Variants in C2orf92 observed in about 807,000 individuals in gnomAD.
The protein encoded by C2orf92 is uncharacterized protein C2orf92.
intron 5 of C2orf92, among the ~76,000 whole-genome samples, chr2:97,692,407 C>CTT (rs755849117): frequency 6.3e-4 from 75 of 119,342 alleles, no homozygotes; most frequent in African/African-American, 8.7e-4. Flanking sequence ...AGTTTTACTT[C>CTT]TTTTTTTTTT....
intron 5 of C2orf92, among the ~76,000 whole-genome samples, chr2:97,695,096 C>G (rs150645009): frequency 6.6e-6 from 1 of 152,256 alleles, no homozygotes; most frequent in East Asian, 1.9e-4. Flanking sequence ...TTTTTCCCAT[C>G]CTGGGTGGGG....
In C2orf92 at chr2:97,688,298, A is replaced by G. The variant is rs541252612; in HGVS notation, c.233-597A>G. Among the ~76,000 whole-genome samples the G allele has an allele frequency of 8.5e-5, 13 of 152,236 alleles. No homozygotes were observed. In the South Asian group the frequency reaches 2.3e-3, roughly 27 times the overall value. On this transcript the variant is annotated intron_variant, in intron 3 of 7. Transcript: ENST00000627399. Reference sequence around the variant, plus strand: ...ACCGAGGACCAACAGCCCTGGAAATACACGGAGAATAAATATAGGATGAGT... The same window carrying G: ...ACCGAGGACCAACAGCCCTGGAAATGCACGGAGAATAAATATAGGATGAGT...
intron 5 of C2orf92, among the ~76,000 whole-genome samples, chr2:97,695,619 G>A (rs1676281818): frequency 6.6e-6 from 1 of 152,144 alleles, no homozygotes. Flanking sequence ...CTACTATCTA[G>A]CTTGATCTTT....
In C2orf92 at chr2:97,687,564, C is replaced by T. The variant is rs561686400; in HGVS notation, c.233-1331C>T. ...GAAGTCTCTCCTGAGGGTGCCTGGG[C>T]TGTGCATCAGGAGTGAAGGTTGAGG... On this transcript the variant is annotated intron_variant, in intron 3 of 7. Coordinates refer to ENST00000627399, the MANE Select transcript of C2orf92 (RefSeq NM_001351368.2). Among the ~76,000 whole-genome samples, 3 of 151,830 alleles carry T rather than the reference C, an allele frequency of 2.0e-5. No individual in the cohort carries two copies. The East Asian group carries it at 5.8e-4, about 29-fold the overall frequency.
chr2:97,684,070 CTG>C (rs1317630662), intron 3 of C2orf92, among the ~76,000 whole-genome samples: 1 of 138,036 alleles, frequency 7.2e-6, no homozygotes, highest in Non-Finnish European at 1.5e-5. Flanking sequence ...GAGTCTCACT[CTG>C]TCGCCCAGGC....
At chr2:97,698,038 C>T (rs138550465) in intron 5 of C2orf92, 11 of 152,236 alleles carry the variant, frequency 7.2e-5, no homozygotes, top group African/African-American at 2.7e-4. Context: ...GCCCCGCCCC[C>T]ACTTCCAGCT....
chr2:97,675,327 T>C (rs1465533811), intron 2 of C2orf92, among the ~76,000 whole-genome samples: 5 of 152,256 alleles, frequency 3.3e-5, no homozygotes, highest in Non-Finnish European at 4.4e-5. Flanking sequence ...AGAAAACATA[T>C]GAATATTTCA....
At chr2:97,670,112 T>C (rs1675363878) in intron 1 of C2orf92, 1 of 306,188 alleles carries the variant, frequency 3.3e-6, no homozygotes, top group Non-Finnish European at 6.0e-6. Context: ...TCCAAACATA[T>C]GCAAAAGTAG....
At chr2:97,696,669 G>A (rs1676315483) in intron 5 of C2orf92, among the ~76,000 whole-genome samples, 1 of 152,192 alleles carries the variant, frequency 6.6e-6, no homozygotes, top group Non-Finnish European at 1.5e-5. Context: ...CCAGGAGGTG[G>A]AGGTTGCGGT....
intron 5 of C2orf92, among the ~76,000 whole-genome samples, chr2:97,693,801 A>G (rs1445590316): frequency 6.6e-6 from 1 of 152,206 alleles, no homozygotes; most frequent in Non-Finnish European, 1.5e-5. Flanking sequence ...AGGTCTTTGT[A>G]TAGATATGTA....
At chr2:97,679,837 C>CAAA (rs55696146) in intron 3 of C2orf92, among the ~76,000 whole-genome samples, 1 of 94,732 alleles carries the variant, frequency 1.1e-5, no homozygotes, top group Non-Finnish European at 1.9e-5. Context: ...AACTCTATCT[C>CAAA]AAAAAAAAAA....
upstream of C2orf92, chr2:97,666,865 G>T (rs74819066): frequency 9.0e-5 from 12 of 133,552 alleles, no homozygotes; most frequent in African/African-American, 3.0e-4. Context: ...AAAAAAAAAA[G>T]CAGTTGATTT....
chr2:97,696,980 A>G (rs1434275037), intron 5 of C2orf92, among the ~76,000 whole-genome samples: 2 of 152,216 alleles, frequency 1.3e-5, no homozygotes, highest in South Asian at 2.1e-4. Flanking sequence ...AACATAGAGA[A>G]TCATGAAGAT....
chr2:97,695,321 G>A (rs1676273973), intron 5 of C2orf92, among the ~76,000 whole-genome samples: 1 of 152,168 alleles, frequency 6.6e-6, no homozygotes, highest in African/African-American at 2.4e-5. Context: ...GGTCCATTGT[G>A]AGTTAATTTT....
At chr2:97,679,456 G>A (rs1675689053) in intron 3 of C2orf92, among the ~76,000 whole-genome samples, 2 of 152,116 alleles carry the variant, frequency 1.3e-5, no homozygotes, top group Non-Finnish European at 2.9e-5. Context: ...TAAGATACTA[G>A]GTGTTTAAGT....
At chr2:97,669,664 C>T (rs1675344446), upstream of C2orf92, 1 of 394,872 alleles carries the variant, frequency 2.5e-6, no homozygotes, top group African/African-American at 2.1e-5. Context: ...GCAGGCTCCA[C>T]CTCACTTCCG....
At chr2:97,692,353 T>A (rs749186591) in intron 5 of C2orf92, among the ~76,000 whole-genome samples, 14 of 152,182 alleles carry the variant, frequency 9.2e-5, no homozygotes, top group Non-Finnish European at 1.8e-4. Context: ...ATTAATTTTA[T>A]GTCCTATTGC....
chr2:97,695,407 A>G (rs1186821086), intron 5 of C2orf92, among the ~76,000 whole-genome samples: 2 of 152,154 alleles, frequency 1.3e-5, no homozygotes, highest in Non-Finnish European at 2.9e-5. Flanking sequence ...CCATTTGTTA[A>G]CCTATTAAAA....
chr2:97,686,626 G>A (rs1466150372), intron 3 of C2orf92, among the ~76,000 whole-genome samples: 2 of 152,012 alleles, frequency 1.3e-5, no homozygotes, highest in South Asian at 2.1e-4. Context: ...TCACCATGTT[G>A]GCCAGGCTGG....
Sources: gnomAD v4.1 joint callset for allele counts (sites outside exome capture counted in the v4.1 genomes callset) on GRCh38, gnomAD v4.1.1 for gene constraint, MANE v1.5 for transcripts, NCBI Gene and HGNC (gene_info 2026-07-23, HGNC 2026-07-21) for gene names.